NKIRAS1: variants seen among roughly 807,000 people sequenced by gnomAD.
NKIRAS1 encodes NFKB inhibitor interacting Ras like 1, also known as NF-kappa-B inhibitor-interacting Ras-like protein 1.
Under a neutral mutation model 19.8 loss-of-function variants are expected in NKIRAS1, and 16 were observed. That is an observed-to-expected ratio of 0.81 (90% CI 0.55 to 1.23). NKIRAS1 has a LOEUF of 1.23. Among genes scored for constraint, NKIRAS1 ranks in the 50% most tolerant of loss-of-function variants. The pLI, the probability that NKIRAS1 is intolerant of heterozygous loss-of-function variation, is 0.00. For missense variants in NKIRAS1, 184 were observed against 220.0 expected (o/e 0.84, Z 1.04); for synonymous variants, 88 against 79.0 (o/e 1.11, Z -0.61).
At chr3:23,916,747 C>T (rs1704557865) in intron 1 of NKIRAS1, 37 bp downstream of exon 1, 1 of 152,820 alleles carries the variant, frequency 6.5e-6, no homozygotes, top group Non-Finnish European at 1.5e-5. Flanking sequence ...GACGCAGAGA[C>T]TCCGCAGGGG....
chr3:23,906,432 C>G (rs986709574), intron 3 of NKIRAS1, among the ~76,000 whole-genome samples: 3 of 152,152 alleles, frequency 2.0e-5, no homozygotes, highest in Non-Finnish European at 4.4e-5. Context: ...TACTATACTG[C>G]TCTGCTGAGA....
intron 1 of NKIRAS1, among the ~76,000 whole-genome samples, chr3:23,912,447 T>C (rs1481973459): frequency 6.6e-6 from 1 of 152,142 alleles, no homozygotes; most frequent in African/African-American, 2.4e-5. Context: ...AAAATGCTCA[T>C]CATCACTGGC....
chr3:23,904,322 C>A (rs528468830), intron 3 of NKIRAS1, among the ~76,000 whole-genome samples: 1 of 152,192 alleles, frequency 6.6e-6, no homozygotes, highest in African/African-American at 2.4e-5. Context: ...GATCAAGGTG[C>A]CAGTAGGTCT....
At chr3:23,908,993 G>A (rs1384398452) in intron 3 of NKIRAS1, among the ~76,000 whole-genome samples, 2 of 151,904 alleles carry the variant, frequency 1.3e-5, no homozygotes, top group Admixed American at 1.3e-4. Flanking sequence ...ATCACGCCTG[G>A]CCACGGTTTT....
chr3:23,911,197 CA>C (rs1392423633), intron 2 of NKIRAS1, 131 bp downstream of exon 2: 2 of 278,594 alleles, frequency 7.2e-6, no homozygotes, highest in East Asian at 1.6e-4. Flanking sequence ...CTCATGCCTG[CA>C]ATCCTACCAC....
chr3:23,890,554 G>A lies in NKIRAS1; in HGVS notation c.*2541C>T. The stretch of plus-strand genomic sequence containing the variant: ...ATTGCCACTCAGTATATGACCAACA[G>A]AGCAGAACATGACAGAATGGCCAGA... On this transcript the variant is annotated 3_prime_UTR_variant, in exon 5 of 5. Transcript: ENST00000425478. The A allele has an allele frequency of 1.9e-6, 3 of 1,613,726 alleles. No homozygotes were observed. Among genetic ancestry groups the A allele is most frequent in the Non-Finnish European group, 2.5e-6 (3 of 1,179,890 alleles).
rs1701460018 is a variant in NKIRAS1 at position 23,891,465 on chromosome 3, C to G, written c.*1630G>C. On this transcript the variant is annotated 3_prime_UTR_variant, in exon 5 of 5. Transcript: ENST00000425478. ...TACCTATATTAGGATCTGTACTTTA[C>G]ACAGCTGTAGATGAGGTATCCTAGA... 6.6e-6 allele frequency: 1 copy of G among 152,160 alleles called. No homozygotes were observed. The highest frequency in any genetic ancestry group is 6.5e-5 in the Admixed American group (1 of 15,276). 9.4% of individuals were successfully genotyped at this position (152,160 alleles called of 1,614,324 possible). A position where few individuals can be genotyped will look rare whatever the true frequency, so the allele number is the denominator to read the frequency against.
In NKIRAS1 at chr3:23,911,397, T is replaced by G. The variant is rs551208018; in HGVS notation, c.-86A>C. ...TGAACCCAGGGGGCGGAGGTTGCAC[T>G]GAGCTGAGATTGCACCACTTCACTC... is the stretch of plus-strand genomic sequence containing the variant. On this transcript the variant is annotated 5_prime_UTR_variant, in exon 2 of 5. Coordinates refer to ENST00000425478, the MANE Select transcript of NKIRAS1 (RefSeq NM_020345.4). The G allele has an allele frequency of 6.4e-6, 1 of 157,192 alleles. No individual in the cohort carries two copies. The highest frequency in any genetic ancestry group is 1.9e-4 in the South Asian group (1 of 5,352). The allele number at this position is 157,192 out of a possible 1,614,324, so 9.7% of individuals were successfully genotyped here. A position where few individuals can be genotyped will look rare whatever the true frequency, so the allele number is the denominator to read the frequency against.
intron 4 of NKIRAS1, among the ~76,000 whole-genome samples, chr3:23,900,086 TG>T (rs1464653854): frequency 6.6e-6 from 1 of 151,528 alleles, no homozygotes; most frequent in Non-Finnish European, 1.5e-5. Flanking sequence ...CCCTTGAACC[TG>T]GGAGTTGGAG....
intron 1 of NKIRAS1, among the ~76,000 whole-genome samples, chr3:23,933,376 G>A (rs1273672907): frequency 6.6e-6 from 1 of 152,152 alleles, no homozygotes; most frequent in Admixed American, 6.5e-5. Context: ...GTCCCCCAGG[G>A]ACATTTGACA....
intron 2 of NKIRAS1, 84 bp from the exon 3 acceptor site, chr3:23,911,005 G>A: frequency 9.8e-7 from 1 of 1,024,544 alleles, no homozygotes; most frequent in Admixed American, 2.0e-5. Context: ...AATTTAATAT[G>A]TAACACATGC....
chr3:23,913,925 A>G (rs542897886), intron 1 of NKIRAS1, among the ~76,000 whole-genome samples: 69 of 152,282 alleles, frequency 4.5e-4, no homozygotes, highest in African/African-American at 1.5e-3. Context: ...TTATCCAGAG[A>G]ATACATCAAC....
At chr3:23,944,462 C>A (rs1242139048) in intron 1 of NKIRAS1, among the ~76,000 whole-genome samples, 1 of 152,152 alleles carries the variant, frequency 6.6e-6, no homozygotes, top group African/African-American at 2.4e-5. Context: ...GTTTAAATTG[C>A]GGGCATCAAT....
chr3:23,944,818 G>C (rs990685728), intron 1 of NKIRAS1, among the ~76,000 whole-genome samples: 3 of 151,072 alleles, frequency 2.0e-5, no homozygotes, highest in Non-Finnish European at 4.4e-5. Flanking sequence ...AGCGTTTGGA[G>C]GTCGGTCGGG....
At chr3:23,942,963 G>C (rs980136820) in intron 1 of NKIRAS1, among the ~76,000 whole-genome samples, 1 of 152,054 alleles carries the variant, frequency 6.6e-6, no homozygotes, top group East Asian at 1.9e-4. Flanking sequence ...GCCCAGGCTA[G>C]TCTCCGATTC....
chr3:23,894,939 A>G (rs1214503980), intron 4 of NKIRAS1, among the ~76,000 whole-genome samples: 1 of 152,200 alleles, frequency 6.6e-6, no homozygotes, highest in Non-Finnish European at 1.5e-5. Flanking sequence ...GGCCACGTAG[A>G]TGCTGCTTCC....
At chr3:23,894,242 C>A (rs553557528) in intron 4 of NKIRAS1, among the ~76,000 whole-genome samples, 1 of 152,252 alleles carries the variant, frequency 6.6e-6, no homozygotes, top group Admixed American at 6.5e-5. Context: ...CAGATAGTGC[C>A]CGTAAAGATT....
chr3:23,933,091 G>A (rs2003217), intron 1 of NKIRAS1, among the ~76,000 whole-genome samples: 97,352 of 151,870 alleles, frequency 0.64, 31,401 homozygotes, highest in Middle Eastern at 0.73. Flanking sequence ...GCCAGAGATC[G>A]ATGGCTTGAT....
intron 4 of NKIRAS1, among the ~76,000 whole-genome samples, chr3:23,895,884 C>A (rs1432653650): frequency 1.3e-5 from 2 of 152,038 alleles, no homozygotes. Flanking sequence ...ACCTGTAATC[C>A]CGTACTTTGG....
Sources: allele counts gnomAD v4.1 joint callset (sites outside exome capture counted in the v4.1 genomes callset), GRCh38; gene constraint gnomAD v4.1.1; transcripts MANE v1.5; gene names NCBI Gene and HGNC (gene_info 2026-07-23, HGNC 2026-07-21).